RASA1: variants seen among roughly 807,000 people sequenced by gnomAD.
RASA1 encodes the protein RAS p21 protein activator 1, also known as ras GTPase-activating protein 1.
A neutral mutation model predicts 132.2 loss-of-function variants in RASA1; 25 were observed. That is an observed-to-expected ratio of 0.19 (90% CI 0.14 to 0.26). RASA1 has a LOEUF of 0.26. RASA1 is among the 10% of genes least tolerant of loss of function. The pLI is 1.00. For missense variants in RASA1, 964 were observed against 1,299.2 expected (o/e 0.74, Z 3.97); for synonymous variants, 477 against 449.9 (o/e 1.06, Z -0.76).
In RASA1 at chr5:87,268,338, A is replaced by C. The variant is rs1457808166; in HGVS notation, c.-114A>C. On this transcript the variant is annotated 5_prime_UTR_variant, in exon 1 of 25. Transcript: ENST00000274376. Reference sequence around the variant, plus strand: ...TCTCTCCTTTTGTTGTTGTTTCCTCAGCCTGGGGAGCTGAAGGGGAGACGC... The same window carrying C: ...TCTCTCCTTTTGTTGTTGTTTCCTCCGCCTGGGGAGCTGAAGGGGAGACGC... 5 of 1,291,420 alleles carry C rather than the reference A, an allele frequency of 3.9e-6. No individual in the cohort carries two copies. The highest frequency in any genetic ancestry group is 5.3e-5 in the East Asian group (2 of 37,924). 80.0% of individuals were successfully genotyped at this position (1,291,420 alleles called of 1,614,324 possible).
At position 87,267,942 on chromosome 5, in the gene RASA1, C is replaced by A; in HGVS notation, c.-510C>A. The A allele has an allele frequency of 2.5e-6, 1 of 392,490 alleles. No individual in the cohort carries two copies. Among genetic ancestry groups the A allele is most frequent in the South Asian group, 1.4e-4 (1 of 7,322 alleles). 24.3% of individuals were successfully genotyped at this position (392,490 alleles called of 1,614,324 possible). On this transcript the variant is annotated 5_prime_UTR_variant, in exon 1 of 25. Coordinates refer to ENST00000274376, the MANE Select transcript of RASA1 (RefSeq NM_002890.3). The stretch of plus-strand genomic sequence containing the variant: ...TCGATTTCCTCGTTACCCCGCCCCC[C>A]TTTCTCTTGCCCCCCCACCCCTCTC...
At chr5:87,276,409 TATTG>T (rs1226345916) in intron 1 of RASA1, among the ~76,000 whole-genome samples, 2 of 152,216 alleles carry the variant, frequency 1.3e-5, no homozygotes, top group South Asian at 2.1e-4. Flanking sequence ...AGATACAACT[TATTG>T]ATAACTATGT....
intron 1 of RASA1, among the ~76,000 whole-genome samples, chr5:87,278,371 C>T (rs1266518473): frequency 6.6e-6 from 1 of 150,538 alleles, no homozygotes; most frequent in Non-Finnish European, 1.5e-5. Flanking sequence ...ACGGTGAAAC[C>T]CCGTCTCTAC....
intron 19 of RASA1, 25 bp downstream of exon 19, chr5:87,379,875 CAAG>C: frequency 6.2e-7 from 1 of 1,604,320 alleles, no homozygotes; most frequent in Non-Finnish European, 8.5e-7. Context: ...TTTCATTTGA[CAAG>C]AAATTGTGTA....
chr5:87,280,068 C>T (rs1362875889), intron 1 of RASA1, among the ~76,000 whole-genome samples: 1 of 152,238 alleles, frequency 6.6e-6, no homozygotes, highest in African/African-American at 2.4e-5. Flanking sequence ...GGATGGGGAA[C>T]TCAGCACGCT....
At chr5:87,287,335 ACCATATATATACCATATATACACC>A (rs1754658913) in intron 1 of RASA1, among the ~76,000 whole-genome samples, 1 of 147,190 alleles carries the variant, frequency 6.8e-6, no homozygotes, top group Admixed American at 6.8e-5. Context: ...ATATATACAC[ACCATATATATACCATATATACACC>A]ATATATATAC....
intron 1 of RASA1, chr5:87,269,415 C>T (rs1322411634): frequency 6.2e-6 from 7 of 1,133,348 alleles, no homozygotes; most frequent in Non-Finnish European, 8.7e-6. Flanking sequence ...TAAACGAGTA[C>T]TATAGTAATA....
chr5:87,342,394 A>G (rs983577394), intron 6 of RASA1, among the ~76,000 whole-genome samples: 3 of 152,004 alleles, frequency 2.0e-5, no homozygotes, highest in African/African-American at 7.2e-5. Flanking sequence ...CCTGACCTCA[A>G]GTAATCTACC....
At chr5:87,329,154 T>TA (rs1757436348) in intron 1 of RASA1, among the ~76,000 whole-genome samples, 1 of 150,594 alleles carries the variant, frequency 6.6e-6, no homozygotes, top group Non-Finnish European at 1.5e-5. Context: ...TACATAGATG[T>TA]AAAAAATCGA....
At chr5:87,330,854 A>T (rs1463575187) in intron 1 of RASA1, 1 of 735,182 alleles carries the variant, frequency 1.4e-6, no homozygotes, top group Non-Finnish European at 1.9e-6. Context: ...AAATTAAAAT[A>T]GCATCCTTTA....
At chr5:87,381,846 G>A (rs1177855613) in intron 20 of RASA1, among the ~76,000 whole-genome samples, 1 of 152,170 alleles carries the variant, frequency 6.6e-6, no homozygotes, top group African/African-American at 2.4e-5. Flanking sequence ...GGGCATTTTT[G>A]CCAAGGTTAG....
chr5:87,369,990 T>C (rs1760811157), intron 12 of RASA1, 90 bp downstream of exon 12: 1 of 1,106,432 alleles, frequency 9.0e-7, no homozygotes, highest in East Asian at 2.5e-5. Context: ...GCATTCAAGA[T>C]AAAGTGACAG....
intron 1 of RASA1, among the ~76,000 whole-genome samples, chr5:87,295,510 AT>A (rs1297596873): frequency 4.0e-5 from 6 of 149,268 alleles, no homozygotes; most frequent in East Asian, 3.9e-4. Flanking sequence ...TATTTATTTT[AT>A]TTTATTTATT....
intron 1 of RASA1, among the ~76,000 whole-genome samples, chr5:87,284,810 T>C (rs1199247486): frequency 3.9e-5 from 6 of 152,194 alleles, no homozygotes; most frequent in African/African-American, 1.4e-4. Flanking sequence ...CTCTAGTTAA[T>C]ATTAGGATTC....
intron 1 of RASA1, among the ~76,000 whole-genome samples, chr5:87,278,909 C>CTTTTT (rs58122450): frequency 1.7e-4 from 14 of 83,996 alleles, no homozygotes; most frequent in Admixed American, 3.6e-4. Context: ...CTAATTTGTT[C>CTTTTT]TTTTTTTTTT....
At chr5:87,292,689 T>C (rs549235545) in intron 1 of RASA1, among the ~76,000 whole-genome samples, 1 of 152,192 alleles carries the variant, frequency 6.6e-6, no homozygotes, top group Admixed American at 6.5e-5. Flanking sequence ...ATCCACAAAA[T>C]AATTGCTGGG....
chr5:87,349,081 TA>T (rs543373516), intron 7 of RASA1, 132 bp from the exon 8 acceptor site: 1,844 of 1,023,118 alleles, frequency 1.8e-3, no homozygotes, highest in Middle Eastern at 2.4e-3. Context: ...GAAATTATCT[TA>T]AAAAAAAAAC....
intron 1 of RASA1, among the ~76,000 whole-genome samples, chr5:87,299,485 A>C (rs544286882): frequency 2.0e-5 from 3 of 152,196 alleles, no homozygotes; most frequent in African/African-American, 7.2e-5. Flanking sequence ...CAAAAAGGCT[A>C]TAATAAAGTA....
chr5:87,377,777 A>G (rs1398718305), intron 17 of RASA1, among the ~76,000 whole-genome samples: 1 of 152,118 alleles, frequency 6.6e-6, no homozygotes, highest in Non-Finnish European at 1.5e-5. Context: ...ACCACCAAGC[A>G]CTTTGATTCA....
Sources: allele counts gnomAD v4.1 joint callset (sites outside exome capture counted in the v4.1 genomes callset), GRCh38; gene constraint gnomAD v4.1.1; transcripts MANE v1.5; gene names NCBI Gene and HGNC (gene_info 2026-07-23, HGNC 2026-07-21).